Variants in KIAA1328 observed in about 807,000 individuals in gnomAD.
KIAA1328 encodes the protein protein hinderin.
In KIAA1328, 52 loss-of-function variants were observed where a neutral mutation model predicts 68.1. That is an observed-to-expected ratio of 0.76 (90% confidence interval 0.61 to 0.96). The LOEUF (loss-of-function observed/expected upper bound fraction) is 0.96, where lower values mean the gene tolerates loss of function less well. Among genes scored for constraint, KIAA1328 ranks in the 40% least tolerant of loss-of-function variants. KIAA1328 has a pLI of 0.00. For missense variants in KIAA1328, 641 were observed against 677.6 expected (o/e 0.95, Z 0.60); for synonymous variants, 232 against 239.4 (o/e 0.97, Z 0.28).
chr18:36,915,741 A>G (rs1236695162), intron 5 of KIAA1328, among the ~76,000 whole-genome samples: 2 of 151,912 alleles, frequency 1.3e-5, no homozygotes, highest in Non-Finnish European at 2.9e-5. Context: ...GTATACATAT[A>G]CAAAATGGCA....
chr18:37,074,390 C>T (rs2056639468), intron 7 of KIAA1328, among the ~76,000 whole-genome samples: 2 of 152,178 alleles, frequency 1.3e-5, no homozygotes, highest in Non-Finnish European at 2.9e-5. Flanking sequence ...CAGGGGTAGA[C>T]AGAAGTGCAG....
intron 5 of KIAA1328, among the ~76,000 whole-genome samples, chr18:36,886,960 G>C (rs2048522074): frequency 6.6e-6 from 1 of 152,160 alleles, no homozygotes. Context: ...GGGAGTTCAT[G>C]ATAGGAAATT....
At chr18:37,089,200 C>T (rs1358812866) in intron 7 of KIAA1328, among the ~76,000 whole-genome samples, 1 of 151,862 alleles carries the variant, frequency 6.6e-6, no homozygotes, top group Non-Finnish European at 1.5e-5. Context: ...GAGGATAGGT[C>T]CCTATCTCTA....
At chr18:36,915,085 CTT>C (rs1331605116) in intron 5 of KIAA1328, among the ~76,000 whole-genome samples, 5 of 152,110 alleles carry the variant, frequency 3.3e-5, no homozygotes, top group African/African-American at 1.2e-4. Flanking sequence ...TGCTAAAACA[CTT>C]TTTTAAAAGA....
In KIAA1328 at chr18:36,834,346, T is replaced by G; in HGVS notation, c.85T>G (p.Tyr29Asp). The G allele has an allele frequency of 6.3e-7, 1 of 1,582,454 alleles. No individual in the cohort carries two copies. Among genetic ancestry groups the G allele is most frequent in the Non-Finnish European group, 8.6e-7 (1 of 1,166,314 alleles). ...TTCTGATGAAGAACAATCAGTAGTA[T>G]ACGTTCCAGGTATGATTTTCTATGT... The part of the protein sequence containing the change: ...DFSDEEQSVV[Y>D]VPGISAEGNV... Residue 29 changes from tyrosine to aspartate, a missense_variant, in exon 2 of 10, where the codon TAC becomes GAC. Physicochemically the swap from Tyr to Asp is radical, Grantham distance 160. Coordinates refer to ENST00000280020, the MANE Select transcript of KIAA1328 (RefSeq NM_020776.3).
intron 4 of KIAA1328, among the ~76,000 whole-genome samples, chr18:36,864,298 A>G (rs1439429719): frequency 1.3e-5 from 2 of 149,656 alleles, no homozygotes; most frequent in East Asian, 1.9e-4. Flanking sequence ...CTCACTTGTT[A>G]TAATTGTTTT....
intron 6 of KIAA1328, among the ~76,000 whole-genome samples, chr18:36,978,755 C>A (rs1228757043): frequency 6.6e-6 from 1 of 152,170 alleles, no homozygotes; most frequent in East Asian, 1.9e-4. Context: ...ACATTTTCTT[C>A]TTTTGGCATT....
intron 5 of KIAA1328, among the ~76,000 whole-genome samples, chr18:36,930,254 G>T (rs2151144196): frequency 6.6e-6 from 1 of 152,150 alleles, no homozygotes; most frequent in South Asian, 2.1e-4. Flanking sequence ...TTCAGGTTCT[G>T]CATTCTGCAT....
intron 9 of KIAA1328, among the ~76,000 whole-genome samples, chr18:37,213,839 T>A (rs1568541532): frequency 6.6e-6 from 1 of 152,216 alleles, no homozygotes; most frequent in Non-Finnish European, 1.5e-5. Flanking sequence ...ATGATCACCA[T>A]TCTAAGTGGT....
At chr18:36,907,026 G>A (rs1436999318) in intron 5 of KIAA1328, among the ~76,000 whole-genome samples, 10 of 151,966 alleles carry the variant, frequency 6.6e-5, no homozygotes, top group Non-Finnish European at 4.4e-5. Flanking sequence ...CTTGCAGACC[G>A]TACGTCTGTT....
chr18:37,204,780 A>G (rs889826511), intron 9 of KIAA1328, among the ~76,000 whole-genome samples: 1 of 137,584 alleles, frequency 7.3e-6, no homozygotes, highest in Non-Finnish European at 1.6e-5. Flanking sequence ...AAAAAAAAAA[A>G]CACCTCTCAA....
intron 7 of KIAA1328, among the ~76,000 whole-genome samples, chr18:37,156,659 G>T (rs1253555958): frequency 1.3e-5 from 2 of 152,168 alleles, no homozygotes; most frequent in Non-Finnish European, 2.9e-5. Context: ...GAGAGCAGAA[G>T]TTGAGACAAC....
chr18:36,876,817 C>G (rs1194074984), intron 4 of KIAA1328, among the ~76,000 whole-genome samples: 1 of 152,092 alleles, frequency 6.6e-6, no homozygotes, highest in African/African-American at 2.4e-5. Context: ...GCATTTTGTT[C>G]TATAAATTTC....
intron 4 of KIAA1328, among the ~76,000 whole-genome samples, chr18:36,873,492 G>A (rs1192071078): frequency 6.6e-6 from 1 of 152,054 alleles, no homozygotes; most frequent in Non-Finnish European, 1.5e-5. Context: ...AAGCTGAGAT[G>A]TGACATCTCA....
At chr18:37,178,225 G>A (rs913288882) in intron 9 of KIAA1328, among the ~76,000 whole-genome samples, 6 of 151,984 alleles carry the variant, frequency 3.9e-5, no homozygotes, top group African/African-American at 1.4e-4. Context: ...ACTCTTCCTA[G>A]CCTCTAGTAT....
chr18:36,834,318 A>G lies in KIAA1328; in HGVS notation c.59-2A>G. 2 of 1,583,424 alleles carry G rather than the reference A, an allele frequency of 1.3e-6. No individual in the cohort carries two copies. Among genetic ancestry groups the G allele is most frequent in the East Asian group, 2.3e-5 (1 of 44,056 alleles). ...TATTTTCCTTCATGTTCTCCTGCGT[A>G]GTTTCTGATGAAGAACAATCAGTAG... On this transcript the variant is annotated splice_acceptor_variant, in intron 1 of 9. Coordinates refer to ENST00000280020, the MANE Select transcript of KIAA1328 (RefSeq NM_020776.3). LOFTEE classifies it high-confidence loss of function.
intron 7 of KIAA1328, among the ~76,000 whole-genome samples, chr18:37,119,229 T>G (rs1243724769): frequency 6.6e-6 from 1 of 152,194 alleles, no homozygotes; most frequent in African/African-American, 2.4e-5. Flanking sequence ...CCTATCAGTT[T>G]GAAAATAAAA....
intron 7 of KIAA1328, among the ~76,000 whole-genome samples, chr18:37,096,998 C>G (rs939741912): frequency 2.6e-5 from 4 of 151,900 alleles, no homozygotes; most frequent in African/African-American, 9.7e-5. Context: ...GAGTAGATTG[C>G]AAAAATTTTC....
intron 9 of KIAA1328, among the ~76,000 whole-genome samples, chr18:37,197,237 T>G (rs2060020834): frequency 6.6e-6 from 1 of 152,106 alleles, no homozygotes; most frequent in Non-Finnish European, 1.5e-5. Context: ...AGCTAAAAGT[T>G]TGTTGATTTT....
Sources: gnomAD v4.1 joint callset for allele counts (sites outside exome capture counted in the v4.1 genomes callset) on GRCh38, gnomAD v4.1.1 for gene constraint, MANE v1.5 for transcripts, NCBI Gene and HGNC (gene_info 2026-07-23, HGNC 2026-07-21) for gene names.